UST: variants seen among roughly 807,000 people sequenced by gnomAD.
UST encodes chondroitin sulfate 2-O-sulfotransferase.
A neutral mutation model predicts 45.6 loss-of-function variants in UST; 21 were observed. The ratio of observed to expected loss-of-function variants is 0.46; its 90% CI spans 0.33 to 0.66. UST has a LOEUF of 0.66. Ranked by LOEUF, UST falls within the 30% of genes least tolerant of loss-of-function variation. The probability of loss-of-function intolerance (pLI) is 0.02; values close to 1 mark genes in which losing one functional copy is unlikely to be tolerated. For synonymous variants in UST, 215 were observed against 200.6 expected (o/e 1.07, Z -0.61); for missense variants, 463 against 512.4 (o/e 0.90, Z 0.93).
At chr6:149,018,386 T>C (rs1775936248) in intron 5 of UST, among the ~76,000 whole-genome samples, 1 of 152,174 alleles carries the variant, frequency 6.6e-6, no homozygotes, top group African/African-American at 2.4e-5. Context: ...TATTTGTAGA[T>C]TGAGTTATCT....
At chr6:148,936,083 G>C (rs1301542488) in intron 2 of UST, among the ~76,000 whole-genome samples, 4 of 152,236 alleles carry the variant, frequency 2.6e-5, no homozygotes, top group Admixed American at 1.3e-4. Context: ...GTCATCTTAG[G>C]AGTCAGGAGA....
intron 1 of UST, among the ~76,000 whole-genome samples, chr6:148,805,307 A>G (rs937120121): frequency 2.2e-4 from 33 of 152,234 alleles, no homozygotes; most frequent in Non-Finnish European, 4.0e-4. Context: ...TTGTGTAGAA[A>G]TGTTCACAAA....
Position 148,848,243 on chromosome 6 carries a change from T to C in UST, c.248-38743T>C, listed in dbSNP as rs1778034469. Reference sequence around the variant, plus strand: ...ACTTAGCTTTGGTGAGTTTAGACAGTCAAGGAAGACAGCAGAGTCTTGTTC... The same window carrying C: ...ACTTAGCTTTGGTGAGTTTAGACAGCCAAGGAAGACAGCAGAGTCTTGTTC... On this transcript the variant is annotated intron_variant, in intron 1 of 7. Coordinates refer to ENST00000367463, the MANE Select transcript of UST (RefSeq NM_005715.3). Among the ~76,000 whole-genome samples, 4 of 152,200 alleles carry C rather than the reference T, an allele frequency of 2.6e-5. No homozygotes were observed. In the South Asian group the frequency reaches 8.3e-4, roughly 31 times the overall value.
chr6:149,053,133 C>A (rs1050410780), intron 7 of UST, among the ~76,000 whole-genome samples: 1 of 151,950 alleles, frequency 6.6e-6, no homozygotes, highest in Admixed American at 6.6e-5. Context: ...TTTTTAGGGT[C>A]CTATTATTAT....
intron 1 of UST, among the ~76,000 whole-genome samples, chr6:148,857,607 G>A (rs1389651197): frequency 6.6e-6 from 1 of 152,106 alleles, no homozygotes; most frequent in African/African-American, 2.4e-5. Context: ...TGAGTGGCTT[G>A]ACCGATATTG....
At chr6:148,774,881 G>T (rs1195422519) in intron 1 of UST, among the ~76,000 whole-genome samples, 2 of 152,156 alleles carry the variant, frequency 1.3e-5, no homozygotes, top group African/African-American at 4.8e-5. Flanking sequence ...AGCCAGGCAT[G>T]GTGGCAGGCG....
At chr6:149,043,221 C>T (rs1386441874) in intron 7 of UST, among the ~76,000 whole-genome samples, 1 of 151,726 alleles carries the variant, frequency 6.6e-6, no homozygotes, top group East Asian at 1.9e-4. Context: ...TTCTGTCCTC[C>T]TGCCTCAGCC....
At chr6:148,991,785 C>G (rs527482928) in intron 5 of UST, among the ~76,000 whole-genome samples, 3 of 151,984 alleles carry the variant, frequency 2.0e-5, no homozygotes, top group Non-Finnish European at 4.4e-5. Flanking sequence ...TGGATTAGGT[C>G]TCCTTTATAA....
intron 2 of UST, among the ~76,000 whole-genome samples, chr6:148,907,304 C>G (rs1779382362): frequency 6.6e-6 from 1 of 152,142 alleles, no homozygotes; most frequent in African/African-American, 2.4e-5. Flanking sequence ...TTGCAGACCA[C>G]AGTTTGGAGA....
intron 1 of UST, among the ~76,000 whole-genome samples, chr6:148,782,417 A>T (rs6570900): frequency 0.75 from 114,507 of 151,924 alleles, 43,204 homozygotes; most frequent in Middle Eastern, 0.87. Flanking sequence ...CTGCTATCTC[A>T]TGATCAAACT....
At chr6:148,974,070 T>G (rs1012018922) in intron 5 of UST, among the ~76,000 whole-genome samples, 4 of 152,198 alleles carry the variant, frequency 2.6e-5, no homozygotes, top group Non-Finnish European at 4.4e-5. Flanking sequence ...TACTTTTGAC[T>G]ATAAGGAGGA....
At chr6:148,807,094 A>G (rs996570098) in intron 1 of UST, among the ~76,000 whole-genome samples, 1 of 152,238 alleles carries the variant, frequency 6.6e-6, no homozygotes, top group Non-Finnish European at 1.5e-5. Flanking sequence ...TTTCTAAGGT[A>G]TAAAGGAGTG....
chr6:148,966,210 C>G (rs1053992109), intron 5 of UST, among the ~76,000 whole-genome samples: 1 of 150,010 alleles, frequency 6.7e-6, no homozygotes, highest in East Asian at 1.9e-4. Context: ...GGTGCCAGAC[C>G]GAGACTCCAT....
chr6:148,992,461 T>C (rs916403426), intron 5 of UST, among the ~76,000 whole-genome samples: 1 of 152,168 alleles, frequency 6.6e-6, no homozygotes, highest in African/African-American at 2.4e-5. Flanking sequence ...AGAGTGAGAT[T>C]ACGTCTCAAA....
At position 148,953,899 on chromosome 6, in the gene UST, G is replaced by A; in HGVS notation, c.475G>A (p.Ala159Thr). 1 of 1,606,328 alleles carries A rather than the reference G, an allele frequency of 6.2e-7. No individual in the cohort carries two copies. Among genetic ancestry groups the A allele is most frequent in the Non-Finnish European group, 8.5e-7 (1 of 1,177,052 alleles). Residue 159 changes from alanine (A) to threonine (T), a missense_variant, in exon 4 of 8, where the codon GCC becomes ACC. By Grantham distance (58) the Ala-to-Thr change is moderately conservative (BLOSUM62 0). Transcript: ENST00000367463. ...GGAACTGATTAAAAATATAAGTACT[G>A]CCGAACAACCCTATTTATTCACTCG... The part of the protein sequence containing the change: ...QMELIKNIST[A>T]EQPYLFTRHV...
intron 2 of UST, among the ~76,000 whole-genome samples, chr6:148,915,073 G>A (rs1015225113): frequency 7.2e-5 from 11 of 152,018 alleles, no homozygotes; most frequent in African/African-American, 2.7e-4. Context: ...TTTTATAAGA[G>A]CACTAATCCC....
rs944648780 is a variant in UST, at chr6:149,051,443, C to T, written c.938-22390C>T. 5.3e-5 allele frequency among the ~76,000 whole-genome samples: 8 copies of T among 152,170 alleles called. No individual in the cohort carries two copies. In the South Asian group the frequency reaches 6.2e-4, roughly 12 times the overall value. On this transcript the variant is annotated intron_variant, in intron 7 of 7. Coordinates refer to ENST00000367463, the MANE Select transcript of UST (RefSeq NM_005715.3). ...TGGAAAGGCCAATACAGAGAAGTGA[C>T]GGGCCTGCAAATGGTCCTGATTTTT... is the stretch of plus-strand genomic sequence containing the variant.
intron 7 of UST, among the ~76,000 whole-genome samples, chr6:149,050,178 A>G (rs1276221600): frequency 1.3e-5 from 2 of 152,236 alleles, no homozygotes; most frequent in East Asian, 3.8e-4. Flanking sequence ...AAGGTAGCTC[A>G]TAGATCTTTT....
At chr6:148,953,228 G>C (rs1351273876) in intron 3 of UST, among the ~76,000 whole-genome samples, 1 of 152,084 alleles carries the variant, frequency 6.6e-6, no homozygotes, top group Non-Finnish European at 1.5e-5. Context: ...ATAAGATAAT[G>C]ACTAACCTCC....
Sources: gnomAD v4.1 joint callset for allele counts (sites outside exome capture counted in the v4.1 genomes callset) on GRCh38, gnomAD v4.1.1 for gene constraint, MANE v1.5 for transcripts, NCBI Gene and HGNC (gene_info 2026-07-23, HGNC 2026-07-21) for gene names.